CADM3: variants seen among roughly 807,000 people sequenced by gnomAD.
CADM3 encodes the protein TSLC1-like 1.
In CADM3, 11 loss-of-function variants were observed where a neutral mutation model predicts 44.9. That is an observed-to-expected ratio of 0.25 (90% confidence interval 0.15 to 0.41). The LOEUF (loss-of-function observed/expected upper bound fraction) is 0.41. Among genes scored for constraint, CADM3 ranks in the 10% least tolerant of loss-of-function variants. CADM3 has a pLI of 1.00. For synonymous variants in CADM3, 207 were observed against 205.2 expected, an observed-to-expected ratio of 1.01 and a Z score of -0.08; for missense variants, 426 against 512.0, an observed-to-expected ratio of 0.83 and a Z score of 1.62.
intron 3 of CADM3, among the ~76,000 whole-genome samples, chr1:159,193,168 T>C (rs1283356649): frequency 6.6e-6 from 1 of 152,114 alleles, no homozygotes; most frequent in East Asian, 1.9e-4. Flanking sequence ...GGCCACCCAA[T>C]TGTGCTGTAA....
chr1:159,177,000 A>T (rs1292240354), intron 1 of CADM3, among the ~76,000 whole-genome samples: 1 of 152,080 alleles, frequency 6.6e-6, no homozygotes, highest in African/African-American at 2.4e-5. Context: ...ATACATTGGG[A>T]CATTCTGAGT....
intron 2 of CADM3, 41 bp from the exon 3 acceptor site, chr1:159,192,537 G>A: frequency 6.2e-7 from 1 of 1,613,568 alleles, no homozygotes; most frequent in Non-Finnish European, 8.5e-7. Flanking sequence ...CATGAAAGGT[G>A]CCAGTAAAAT....
intron 1 of CADM3, chr1:159,178,693 T>C (rs1237232559): frequency 6.6e-6 from 1 of 152,210 alleles, no homozygotes; most frequent in Non-Finnish European, 1.5e-5. Flanking sequence ...GATGCATCTT[T>C]AAACTCTACT....
intron 1 of CADM3, among the ~76,000 whole-genome samples, chr1:159,186,821 A>G (rs1170742659): frequency 1.3e-5 from 2 of 152,238 alleles, no homozygotes; most frequent in East Asian, 1.9e-4. Flanking sequence ...GGGGGAAGAA[A>G]AAAAAAGCCA....
intron 1 of CADM3, among the ~76,000 whole-genome samples, chr1:159,180,415 T>C (rs1052756603): frequency 6.6e-6 from 1 of 152,068 alleles, no homozygotes; most frequent in Non-Finnish European, 1.5e-5. Context: ...TCAATGGAGA[T>C]TTAAGAAGAG....
chr1:159,183,600 A>G (rs899168277), intron 1 of CADM3, among the ~76,000 whole-genome samples: 2 of 152,192 alleles, frequency 1.3e-5, no homozygotes, highest in Non-Finnish European at 1.5e-5. Context: ...ATTGGAACTA[A>G]GGAAAGGAGA....
intron 6 of CADM3, chr1:159,196,660 T>C (rs1649910840): frequency 3.1e-6 from 2 of 637,460 alleles, no homozygotes; most frequent in Non-Finnish European, 5.4e-6. Context: ...GTCCCTGAGT[T>C]TCCCACAAAG....
chr1:159,200,977 C>T lies in CADM3; in HGVS notation c.*55C>T, dbSNP rs1650167135. The T allele has an allele frequency of 2.2e-6, 3 of 1,339,334 alleles. No homozygotes were observed. The highest frequency in any genetic ancestry group is 2.8e-5 in the South Asian group (2 of 71,496). The allele number at this position is 1,339,334 out of a possible 1,614,324, so 83.0% of individuals were successfully genotyped here. A position where few individuals can be genotyped will look rare whatever the true frequency, so the allele number is the denominator to read the frequency against. ...GGGGCCCTGTGGGGACTGCTGGGGC[C>T]GTCACCAACCCGGACTTGTACAGAG... On this transcript the variant is annotated 3_prime_UTR_variant, in exon 9 of 9. Transcript: ENST00000368125.
rs142783373 is a variant in CADM3, at chr1:159,196,219, A to C, written c.692-145A>C. The stretch of plus-strand genomic sequence containing the variant: ...TCAATAGCAATAATGGTCCTTGTTC[A>C]TGAGAAGTAGGAGAAGGAAGGTCTT... On this transcript the variant is annotated intron_variant, in intron 5 of 8. Transcript: ENST00000368125. 1,732 of 617,590 alleles carry C rather than the reference A, an allele frequency of 2.8e-3. 6 individuals are homozygous for C. Among genetic ancestry groups the C allele is most frequent in the Non-Finnish European group, 4.5e-3 (1,531 of 342,634 alleles). The allele number at this position is 617,590 out of a possible 1,614,324, so 38.3% of individuals were successfully genotyped here.
At chr1:159,185,547 C>A (rs3026981) in intron 1 of CADM3, among the ~76,000 whole-genome samples, 5,483 of 152,286 alleles carry the variant, frequency 0.036, 314 homozygotes, top group African/African-American at 0.12. Context: ...AGTTTCTTAA[C>A]TCGGCTTTAA....
At position 159,200,807 on chromosome 1, in the gene CADM3, C is replaced by T; in HGVS notation, c.1082C>T (p.Thr361Ile). Residue 361 changes from threonine to isoleucine, a missense_variant, in exon 9 of 9, where the codon ACC (threonine) becomes ATC (isoleucine). By Grantham distance (89) the Thr-to-Ile change is moderately conservative. This residue lies in a region of CADM3 where 362 missense variants were observed against 474.6 expected (regional missense o/e 0.76). Coordinates refer to ENST00000368125, the MANE Select transcript of CADM3 (RefSeq NM_001127173.3). The part of the protein sequence containing the change: ...LGHYLIRHKG[T>I]YLTHEAKGSD... ...AGAAGCCTCTGTCTCTACACAGGAA[C>T]CTACCTGACACATGAGGCAAAAGGC... The T allele has an allele frequency of 1.1e-5, 17 of 1,601,194 alleles. No homozygotes were observed. Among genetic ancestry groups the T allele is most frequent in the Non-Finnish European group, 1.4e-5 (17 of 1,173,688 alleles).
chr1:159,181,029 T>G (rs1184579173), intron 1 of CADM3, among the ~76,000 whole-genome samples: 1 of 141,846 alleles, frequency 7.0e-6, no homozygotes. Flanking sequence ...GGCTGAGATT[T>G]TTCATCTCCA....
chr1:159,174,527 T>C (rs1357748385), intron 1 of CADM3, among the ~76,000 whole-genome samples: 1 of 152,198 alleles, frequency 6.6e-6, no homozygotes, highest in Non-Finnish European at 1.5e-5. Flanking sequence ...TGTGGTAGCA[T>C]ACCTATTCCC....
At chr1:159,193,765 A>G (rs1649771213) in intron 4 of CADM3, 105 bp from the exon 5 acceptor site, 1 of 1,501,998 alleles carries the variant, frequency 6.7e-7, no homozygotes, top group South Asian at 1.2e-5. Flanking sequence ...GTTGAGACTC[A>G]CCATCTGTAC....
chr1:159,176,785 T>C (rs1050802560), intron 1 of CADM3, among the ~76,000 whole-genome samples: 1 of 152,172 alleles, frequency 6.6e-6, no homozygotes, highest in African/African-American at 2.4e-5. Context: ...TGCTAAGAAG[T>C]AAAGGTACAT....
chr1:159,172,763 G>A (rs1648866603), intron 1 of CADM3, among the ~76,000 whole-genome samples: 1 of 152,112 alleles, frequency 6.6e-6, no homozygotes, highest in Non-Finnish European at 1.5e-5. Context: ...AAGGGAGTCG[G>A]GGGAGAAAGG....
chr1:159,200,706 C>T, intron 8 of CADM3, 98 bp from the exon 9 acceptor site: 2 of 807,606 alleles, frequency 2.5e-6, no homozygotes, highest in South Asian at 4.2e-5. Flanking sequence ...AGAAAAATTA[C>T]TTGAGCAGTG....
chr1:159,184,094 CTG>C (rs1265988173), intron 1 of CADM3, among the ~76,000 whole-genome samples: 4 of 152,196 alleles, frequency 2.6e-5, no homozygotes, highest in African/African-American at 9.6e-5. Context: ...TCAAAGAAAA[CTG>C]TCACTCTGAG....
chr1:159,191,148 G>T (rs188009067), intron 1 of CADM3, among the ~76,000 whole-genome samples: 1 of 152,168 alleles, frequency 6.6e-6, no homozygotes, highest in Non-Finnish European at 1.5e-5. Flanking sequence ...AGTCCTTTTT[G>T]TTTTGTTTTG....
Sources: gnomAD v4.1 joint callset for allele counts (sites outside exome capture counted in the v4.1 genomes callset) on GRCh38, gnomAD v4.1.1 for gene constraint, gnomAD v4.1.1 regional missense constraint, MANE v1.5 for transcripts, NCBI Gene and HGNC (gene_info 2026-07-23, HGNC 2026-07-21) for gene names.